Variants in ADAMTS20 observed in about 807,000 individuals in gnomAD.
The protein encoded by ADAMTS20 is ADAM metallopeptidase with thrombospondin type 1 motif 20.
A neutral mutation model predicts 260.1 loss-of-function variants in ADAMTS20; 225 were observed. That is an observed-to-expected ratio of 0.87 (90% confidence interval 0.78 to 0.97). ADAMTS20 has a LOEUF of 0.97. ADAMTS20 is among the 50% of genes least tolerant of loss of function. The pLI is 0.00. For missense variants in ADAMTS20, 2,400 were observed against 2,337.7 expected (o/e 1.03, Z -0.55); for synonymous variants, 802 against 769.5 (o/e 1.04, Z -0.70).
chr12:43,409,307 A>G (rs1323529703), intron 28 of ADAMTS20, among the ~76,000 whole-genome samples: 1 of 152,034 alleles, frequency 6.6e-6, no homozygotes, highest in African/African-American at 2.4e-5. Context: ...AGGAAGATAA[A>G]AACAAGAAAA....
At chr12:43,496,968 C>T (rs923371568) in intron 4 of ADAMTS20, among the ~76,000 whole-genome samples, 1 of 152,130 alleles carries the variant, frequency 6.6e-6, no homozygotes, top group African/African-American at 2.4e-5. Context: ...ATATTCCATT[C>T]CATAGACTAC....
At chr12:43,378,525 A>G (rs771732866) in intron 31 of ADAMTS20, among the ~76,000 whole-genome samples, 1 of 152,226 alleles carries the variant, frequency 6.6e-6, no homozygotes, top group Non-Finnish European at 1.5e-5. Context: ...CCTAGATTAA[A>G]CAATATACTG....
At chr12:43,477,053 T>TAA (rs75788250) in intron 7 of ADAMTS20, among the ~76,000 whole-genome samples, 25 of 118,086 alleles carry the variant, frequency 2.1e-4, no homozygotes, top group African/African-American at 5.7e-4. Flanking sequence ...GACCTCTAAA[T>TAA]AAAAAAAAAA....
At position 43,425,630 on chromosome 12, in the gene ADAMTS20, CA is replaced by C. The variant is rs749250230; in HGVS notation, c.4167del (p.Asn1389LysfsTer5). The C allele has an allele frequency of 2.5e-6, 4 of 1,610,282 alleles. No individual in the cohort carries two copies. The highest frequency in any genetic ancestry group is 1.7e-4 in the Middle Eastern group (1 of 6,052). ...KSRLVICQFP[N>X]GQILEDHNCE... ...CAGTTGTGATCTTCTAATATTTGGC[CA>C]TTGGGAAATTGACATATTACAAGTC... On this transcript the variant is annotated frameshift_variant, in exon 28 of 39. Coordinates refer to ENST00000389420, the MANE Select transcript of ADAMTS20 (RefSeq NM_025003.5). LOFTEE classifies it high-confidence loss of function.
intron 3 of ADAMTS20, among the ~76,000 whole-genome samples, chr12:43,521,317 G>C (rs1335874471): frequency 3.3e-5 from 5 of 151,960 alleles, no homozygotes; most frequent in African/African-American, 1.2e-4. Flanking sequence ...GACCAATGCT[G>C]ATTAAATTAT....
chr12:43,356,358 C>A (rs1399284928), intron 38 of ADAMTS20, 126 bp downstream of exon 38: 4 of 577,168 alleles, frequency 6.9e-6, no homozygotes, highest in Non-Finnish European at 9.3e-6. Context: ...TGTAATATAC[C>A]CATTATATGC....
At chr12:43,538,568 G>A (rs780859993) in intron 2 of ADAMTS20, among the ~76,000 whole-genome samples, 2 of 151,952 alleles carry the variant, frequency 1.3e-5, no homozygotes, top group South Asian at 4.2e-4. Flanking sequence ...GTGCTTGTGG[G>A]GTATTGCTCA....
chr12:43,357,076 C>T (rs967520957), intron 37 of ADAMTS20, among the ~76,000 whole-genome samples: 1 of 152,094 alleles, frequency 6.6e-6, no homozygotes, highest in Non-Finnish European at 1.5e-5. Flanking sequence ...GTGTGGGTCC[C>T]CTATGAGCTT....
rs117546747 is a variant in ADAMTS20 at position 43,368,452 on chromosome 12, T to C, written c.5538+838A>G. ...CTAGTGTCTCTTGATCTCCTTTAAG[T>C]TCTCTAACAGAAAATGTCCTCTCTT... On this transcript the variant is annotated intron_variant, in intron 37 of 38. Transcript: ENST00000389420. 5.4e-3 allele frequency among the ~76,000 whole-genome samples: 822 copies of C among 152,212 alleles called. 8 individuals carry two copies. The highest frequency in any genetic ancestry group is 9.3e-3 in the Non-Finnish European group (630 of 67,980).
At chr12:43,468,337 T>C (rs1379511605) in intron 8 of ADAMTS20, among the ~76,000 whole-genome samples, 1 of 152,142 alleles carries the variant, frequency 6.6e-6, no homozygotes, top group Non-Finnish European at 1.5e-5. Flanking sequence ...AGGCCAGAAG[T>C]GCTTGTCATG....
chr12:43,544,810 G>A (rs1169519219), intron 2 of ADAMTS20, among the ~76,000 whole-genome samples: 1 of 152,076 alleles, frequency 6.6e-6, no homozygotes, highest in Non-Finnish European at 1.5e-5. Context: ...ATTTAAACCA[G>A]AGTCATTAAA....
intron 3 of ADAMTS20, among the ~76,000 whole-genome samples, chr12:43,511,449 G>T (rs575031028): frequency 2.6e-4 from 39 of 152,142 alleles, no homozygotes; most frequent in African/African-American, 8.7e-4. Flanking sequence ...TGGGCAATAT[G>T]TTCTGCCTTT....
chr12:43,356,474 C>T lies in ADAMTS20; in HGVS notation c.5643+10G>A, dbSNP rs755874016. The T allele has an allele frequency of 1.8e-5, 29 of 1,583,924 alleles. No homozygotes were observed. In the South Asian group the frequency reaches 3.0e-4, roughly 16 times the overall value. ...ATTTCAAACAGGCTTTTTGGTCCCGCAGGACTTACCTCTGATCTTCGTATG... is the reference window on the plus strand; with the variant it reads ...ATTTCAAACAGGCTTTTTGGTCCCGTAGGACTTACCTCTGATCTTCGTATG... On this transcript the variant is annotated intron_variant, in intron 38 of 38. Transcript: ENST00000389420.
chr12:43,528,561 C>T (rs146897771), intron 3 of ADAMTS20, among the ~76,000 whole-genome samples: 74 of 151,646 alleles, frequency 4.9e-4, no homozygotes, highest in African/African-American at 1.7e-3. Flanking sequence ...AATTGGAAAA[C>T]GGGTGCCCTG....
At chr12:43,397,914 G>A (rs1159238152) in intron 29 of ADAMTS20, among the ~76,000 whole-genome samples, 2 of 152,138 alleles carry the variant, frequency 1.3e-5, no homozygotes, top group African/African-American at 4.8e-5. Flanking sequence ...GTATCAGTGA[G>A]GCACTGACAT....
intron 28 of ADAMTS20, among the ~76,000 whole-genome samples, chr12:43,399,955 T>C (rs1485090423): frequency 1.3e-5 from 2 of 152,102 alleles, no homozygotes; most frequent in African/African-American, 2.4e-5. Flanking sequence ...CTGCCACTTA[T>C]AGCTGGGTGA....
At chr12:43,413,978 ACT>A (rs1941081008) in intron 28 of ADAMTS20, among the ~76,000 whole-genome samples, 1 of 151,754 alleles carries the variant, frequency 6.6e-6, no homozygotes, top group African/African-American at 2.4e-5. Flanking sequence ...TGTAATAAAA[ACT>A]CTCTTATGTC....
chr12:43,353,940 C>T lies in ADAMTS20; in HGVS notation c.*269G>A. 2 of 251,020 alleles carry T rather than the reference C, an allele frequency of 8.0e-6. No homozygotes were observed. Among genetic ancestry groups the T allele is most frequent in the Non-Finnish European group, 7.7e-6 (1 of 129,798 alleles). 15.5% of individuals were successfully genotyped at this position (251,020 alleles called of 1,614,324 possible). On this transcript the variant is annotated 3_prime_UTR_variant, in exon 39 of 39. Transcript: ENST00000389420. ...AGAGCAACACTGTCTTGGTATAATT[C>T]ATTCAATCCTGGTATTCTCTATTAT...
At chr12:43,526,635 T>C (rs1943147549) in intron 3 of ADAMTS20, among the ~76,000 whole-genome samples, 2 of 152,178 alleles carry the variant, frequency 1.3e-5, no homozygotes, top group African/African-American at 4.8e-5. Context: ...CTATTTAAAA[T>C]GAATGATAAT....
Sources: allele counts gnomAD v4.1 joint callset (sites outside exome capture counted in the v4.1 genomes callset), GRCh38; gene constraint gnomAD v4.1.1; transcripts MANE v1.5; gene names NCBI Gene and HGNC (gene_info 2026-07-23, HGNC 2026-07-21).